The following AKR1B15 variants were observed in gnomAD, a reference collection of about 807,000 sequenced individuals.
AKR1B15 encodes the protein aldo-keto reductase family 1 member B15.
Under a neutral mutation model 38.5 loss-of-function variants are expected in AKR1B15, and 49 were observed. That is an observed-to-expected ratio of 1.27 (90% CI 1.01 to 1.62). The LOEUF (loss-of-function observed/expected upper bound fraction) is 1.62, where lower values mean the gene tolerates loss of function less well. Among genes scored for constraint, AKR1B15 ranks in the 40% most tolerant of loss-of-function variants. AKR1B15 has a pLI of 0.00. For synonymous variants in AKR1B15, 137 were observed against 135.5 expected (o/e 1.01, Z -0.08); for missense variants, 411 against 381.6 (o/e 1.08, Z -0.64).
chr7:134,579,470 G>A, intron 11 of AKR1B15, 37 bp from the exon 12 acceptor site: 1 of 1,532,822 alleles, frequency 6.5e-7, no homozygotes, highest in East Asian at 2.3e-5. Flanking sequence ...TGCTTTGATG[G>A]AACACAGTTT....
intron 2 of AKR1B15, among the ~76,000 whole-genome samples, chr7:134,562,706 C>T (rs998011835): frequency 6.6e-6 from 1 of 152,140 alleles, no homozygotes; most frequent in Non-Finnish European, 1.5e-5. Flanking sequence ...GGCTACACCT[C>T]TCACCACCAC....
At chr7:134,560,483 C>T (rs986885011) in intron 2 of AKR1B15, among the ~76,000 whole-genome samples, 2 of 152,182 alleles carry the variant, frequency 1.3e-5, no homozygotes, top group African/African-American at 4.8e-5. Flanking sequence ...TAAATGGTTG[C>T]TGTAATAACC....
intron 6 of AKR1B15, among the ~76,000 whole-genome samples, chr7:134,572,389 G>T (rs1794685604): frequency 2.0e-5 from 3 of 152,118 alleles, no homozygotes; most frequent in African/African-American, 7.2e-5. Context: ...AGCACTTTGG[G>T]AAGCCGAGGT....
At chr7:134,561,509 T>C (rs10239772) in intron 2 of AKR1B15, among the ~76,000 whole-genome samples, 67,825 of 152,132 alleles carry the variant, frequency 0.45, 15,715 homozygotes, top group African/African-American at 0.54. Context: ...GCCCGGACCA[T>C]GCATGTATTA....
intron 4 of AKR1B15, 77 bp downstream of exon 4, chr7:134,568,402 C>T (rs2117655415): frequency 6.4e-7 from 1 of 1,573,614 alleles, no homozygotes; most frequent in Non-Finnish European, 8.6e-7. Flanking sequence ...GCAGCAAGAA[C>T]TCTGTCGGCC....
In AKR1B15 at chr7:134,564,644, G is replaced by GT. The variant is rs1486680445; in HGVS notation, c.26dup (p.Asn10GlufsTer4). The GT allele has an allele frequency of 1.4e-6, 1 of 698,554 alleles. No individual in the cohort carries two copies. Among genetic ancestry groups the GT allele is most frequent in the Admixed American group, 2.0e-5 (1 of 49,766 alleles). 43.3% of individuals were successfully genotyped at this position (698,554 alleles called of 1,614,324 possible). ...GATGGTCTTACAAATGGAACCCCAA[G>GT]TGAACTCAACTAACAACTTCCACCA... On this transcript the variant is annotated frameshift_variant, in exon 3 of 12. Transcript: ENST00000457545. LOFTEE classifies it high-confidence loss of function.
intron 6 of AKR1B15, among the ~76,000 whole-genome samples, chr7:134,572,085 T>A (rs1047417612): frequency 3.9e-5 from 6 of 152,184 alleles, no homozygotes; most frequent in African/African-American, 1.4e-4. Flanking sequence ...ACTACTAATA[T>A]ATATCTTTCG....
chr7:134,575,838 C>G lies in AKR1B15; in HGVS notation c.654C>G (p.Tyr218Ter), dbSNP rs771351485. The change falls in exon 8 of 12, where the codon TAC (tyrosine) becomes TAG (stop). Residue 218 changes from tyrosine (Y) to a stop codon, truncating the protein, a stop_gained. Transcript: ENST00000457545. LOFTEE classifies it high-confidence loss of function. ...PVTNQVECHP[Y>*]LTQEKLIQYC... ...TGTTGCAGGTTGAGTGTCACCCATA[C>G]CTCACGCAGGAGAAACTGATCCAGT... 6.2e-6 allele frequency: 10 copies of G among 1,613,840 alleles called. No individual in the cohort carries two copies. The highest frequency in any genetic ancestry group is 8.5e-6 in the Non-Finnish European group (10 of 1,179,816).
At chr7:134,574,933 C>T (rs1794731531) in intron 6 of AKR1B15, among the ~76,000 whole-genome samples, 1 of 152,194 alleles carries the variant, frequency 6.6e-6, no homozygotes, top group African/African-American at 2.4e-5. Flanking sequence ...GACTCAGGAC[C>T]CACAGGTGAG....
intron 6 of AKR1B15, among the ~76,000 whole-genome samples, chr7:134,574,756 T>C (rs1794727517): frequency 6.6e-6 from 1 of 152,244 alleles, no homozygotes; most frequent in East Asian, 1.9e-4. Context: ...AAAGATTCCC[T>C]TCCTTGCATG....
In AKR1B15 at chr7:134,579,444, T is replaced by G. The variant is rs531938534; in HGVS notation, c.993-63T>G. ...CAGAGTCCACCAGAGAAGAATACCTTCTCAGCGAGAGTTGTTGCTTTGATG... is the reference window on the plus strand; with the variant it reads ...CAGAGTCCACCAGAGAAGAATACCTGCTCAGCGAGAGTTGTTGCTTTGATG... On this transcript the variant is annotated intron_variant, in intron 11 of 11. Coordinates refer to ENST00000457545, the MANE Select transcript of AKR1B15 (RefSeq NM_001080538.3). The G allele has an allele frequency of 7.9e-5, 111 of 1,408,900 alleles. 1 individual carries two copies. The South Asian group carries it at 8.0e-4, about 10-fold the overall frequency. 87.3% of individuals were successfully genotyped at this position (1,408,900 alleles called of 1,614,324 possible).
chr7:134,560,466 G>A (rs13311238), intron 2 of AKR1B15, among the ~76,000 whole-genome samples: 24 of 151,804 alleles, frequency 1.6e-4, no homozygotes, highest in Admixed American at 3.9e-4. Flanking sequence ...ACAAAATCAC[G>A]AGCAAATAAA....
intron 3 of AKR1B15, chr7:134,565,526 G>T (rs762345613): frequency 1.9e-6 from 3 of 1,613,880 alleles, no homozygotes; most frequent in Non-Finnish European, 8.5e-7. Context: ...GATGCCCATT[G>T]TGGGCCTGGG....
intron 6 of AKR1B15, among the ~76,000 whole-genome samples, chr7:134,575,123 TC>T (rs1794735774): frequency 6.6e-6 from 1 of 152,236 alleles, no homozygotes; most frequent in African/African-American, 2.4e-5. Context: ...CTTTCATATT[TC>T]CATGGTGTAT....
chr7:134,564,490 T>C (rs915246643), intron 2 of AKR1B15, 108 bp from the exon 3 acceptor site: 3 of 503,694 alleles, frequency 6.0e-6, no homozygotes, highest in Non-Finnish European at 7.0e-6. Context: ...ACCTCTGGAG[T>C]TGGGCGACAT....
chr7:134,550,631 T>G (rs1320053971), intron 1 of AKR1B15, among the ~76,000 whole-genome samples: 1 of 152,200 alleles, frequency 6.6e-6, no homozygotes. Context: ...TCTGATACCA[T>G]AGCCTCCCAG....
chr7:134,570,290 G>C (rs1448686803), intron 5 of AKR1B15: 4 of 152,132 alleles, frequency 2.6e-5, no homozygotes, highest in Non-Finnish European at 4.4e-5. Flanking sequence ...CGTTATCAAT[G>C]ACAATGCATG....
chr7:134,562,330 C>G (rs868302524), intron 2 of AKR1B15, among the ~76,000 whole-genome samples: 2 of 152,174 alleles, frequency 1.3e-5, no homozygotes. Context: ...AGCGGGTTGC[C>G]TAAGCGTTGC....
intron 5 of AKR1B15, 88 bp from the exon 6 acceptor site, chr7:134,571,516 T>G: frequency 1.0e-6 from 1 of 971,092 alleles, no homozygotes; most frequent in Non-Finnish European, 1.7e-6. Context: ...ATGTGGTATT[T>G]AGCAAGCATC....
Sources: allele counts gnomAD v4.1 joint callset (sites outside exome capture counted in the v4.1 genomes callset), GRCh38; gene constraint gnomAD v4.1.1; transcripts MANE v1.5; gene names NCBI Gene and HGNC (gene_info 2026-07-23, HGNC 2026-07-21).